The following ZFPM2 variants were observed in gnomAD, a reference collection of about 807,000 sequenced individuals.
The protein encoded by ZFPM2 is zinc finger protein ZFPM2.
A neutral mutation model predicts 98.6 loss-of-function variants in ZFPM2; 20 were observed. The ratio of observed to expected loss-of-function variants is 0.20; its 90% CI spans 0.14 to 0.29. The LOEUF is 0.29. Among genes scored for constraint, ZFPM2 ranks in the 10% least tolerant of loss-of-function variants. The probability of loss-of-function intolerance (pLI) is 1.00; values close to 1 mark genes in which losing one functional copy is unlikely to be tolerated. For synonymous variants in ZFPM2, 518 were observed against 502.7 expected, an observed-to-expected ratio of 1.03 and a Z score of -0.41; for missense variants, 1,310 against 1,388.6, an observed-to-expected ratio of 0.94 and a Z score of 0.90.
At chr8:105,545,997 C>T (rs1310562369) in intron 3 of ZFPM2, among the ~76,000 whole-genome samples, 1 of 152,136 alleles carries the variant, frequency 6.6e-6, no homozygotes, top group East Asian at 1.9e-4. Flanking sequence ...CATACCTCTG[C>T]CTGGCTTAGC....
chr8:105,328,657 A>G (rs1018537183), intron 1 of ZFPM2, among the ~76,000 whole-genome samples: 2 of 151,884 alleles, frequency 1.3e-5, no homozygotes, highest in Non-Finnish European at 2.9e-5. Flanking sequence ...AATAGATTAA[A>G]TGGCTTTTAA....
intron 1 of ZFPM2, among the ~76,000 whole-genome samples, chr8:105,399,340 G>A (rs1811288117): frequency 6.6e-6 from 1 of 152,166 alleles, no homozygotes; most frequent in South Asian, 2.1e-4. Flanking sequence ...AGATAAAGGT[G>A]GCTCAAAATA....
chr8:105,612,650 T>C (rs911609486), intron 4 of ZFPM2, among the ~76,000 whole-genome samples: 1 of 152,182 alleles, frequency 6.6e-6, no homozygotes, highest in African/African-American at 2.4e-5. Context: ...AAATATTTGG[T>C]TGGAGTATGA....
chr8:105,693,810 G>C (rs1810947783), intron 5 of ZFPM2, among the ~76,000 whole-genome samples: 1 of 151,836 alleles, frequency 6.6e-6, no homozygotes, highest in Non-Finnish European at 1.5e-5. Context: ...GGGTACATGT[G>C]ATATCTCTCT....
chr8:105,539,054 C>T (rs532373306), intron 3 of ZFPM2, among the ~76,000 whole-genome samples: 1 of 152,054 alleles, frequency 6.6e-6, no homozygotes, highest in South Asian at 2.1e-4. Flanking sequence ...CACCAGACAA[C>T]AACAAAACAA....
intron 1 of ZFPM2, among the ~76,000 whole-genome samples, chr8:105,351,375 G>GTGTC (rs1042578686): frequency 6.6e-6 from 1 of 151,236 alleles, no homozygotes; most frequent in African/African-American, 2.4e-5. Context: ...GTGTGTGTGT[G>GTGTC]TGTGTGTTTG....
intron 1 of ZFPM2, among the ~76,000 whole-genome samples, chr8:105,401,743 G>A (rs1259569092): frequency 2.0e-5 from 3 of 151,880 alleles, no homozygotes; most frequent in Admixed American, 2.0e-4. Context: ...TATGAAAAGG[G>A]GTACTTACAC....
intron 3 of ZFPM2, among the ~76,000 whole-genome samples, chr8:105,528,096 C>T (rs543343728): frequency 2.0e-5 from 3 of 152,112 alleles, no homozygotes; most frequent in African/African-American, 4.8e-5. Flanking sequence ...GCAGACTGCA[C>T]TTCTAGAAAT....
chr8:105,330,614 A>G (rs1177239556), intron 1 of ZFPM2, among the ~76,000 whole-genome samples: 22 of 33,276 alleles, frequency 6.6e-4, no homozygotes, highest in African/African-American at 3.6e-3. Context: ...ATATATACAC[A>G]TATATATATA....
chr8:105,550,576 G>A (rs1302969522), intron 3 of ZFPM2, among the ~76,000 whole-genome samples: 1 of 152,116 alleles, frequency 6.6e-6, no homozygotes, highest in African/African-American at 2.4e-5. Context: ...TATCTAGAAA[G>A]TTGCATGTAG....
Position 105,706,074 on chromosome 8 carries a change from C to G in ZFPM2, c.532+71717C>G, listed in dbSNP as rs193129164. Among the ~76,000 whole-genome samples, 445 of 151,948 alleles carry G rather than the reference C, an allele frequency of 2.9e-3. 2 individuals are homozygous for G. The highest frequency in any genetic ancestry group is 0.01 in the Middle Eastern group (3 of 294). On this transcript the variant is annotated intron_variant, in intron 5 of 7. Transcript: ENST00000407775. ...GGCATGTGAGTGTATATATATTTAT[C>G]CCCATTTTATTGATGAAGGAGCTAA...
intron 3 of ZFPM2, among the ~76,000 whole-genome samples, chr8:105,462,818 A>C (rs2130308979): frequency 6.6e-6 from 1 of 152,224 alleles, no homozygotes; most frequent in Non-Finnish European, 1.5e-5. Context: ...TGAATGGCCA[A>C]AGAAATAGCG....
intron 5 of ZFPM2, 41 bp downstream of exon 5, chr8:105,634,398 A>G (rs1816809277): frequency 6.0e-6 from 9 of 1,492,398 alleles, no homozygotes; most frequent in Non-Finnish European, 8.3e-6. Flanking sequence ...GGAAGTATTA[A>G]AACCTGAGCA....
chr8:105,384,371 C>T (rs1810944244), intron 1 of ZFPM2, among the ~76,000 whole-genome samples: 1 of 152,118 alleles, frequency 6.6e-6, no homozygotes, highest in African/African-American at 2.4e-5. Flanking sequence ...GCATAAATGA[C>T]AATCTCTAAA....
chr8:105,333,229 A>G (rs1812265428), intron 1 of ZFPM2, among the ~76,000 whole-genome samples: 2 of 151,738 alleles, frequency 1.3e-5, no homozygotes, highest in African/African-American at 2.4e-5. Flanking sequence ...GCTACCCTCT[A>G]ACTTTTAGAT....
intron 1 of ZFPM2, among the ~76,000 whole-genome samples, chr8:105,379,429 A>G (rs1810797339): frequency 6.6e-6 from 1 of 152,160 alleles, no homozygotes; most frequent in Admixed American, 6.6e-5. Context: ...TCATCAGTGA[A>G]CCAGCAAACC....
intron 5 of ZFPM2, among the ~76,000 whole-genome samples, chr8:105,685,980 A>G (rs1490107237): frequency 6.6e-6 from 1 of 152,148 alleles, no homozygotes; most frequent in Non-Finnish European, 1.5e-5. Context: ...TCTAAGTATT[A>G]ATGTAAAAAT....
chr8:105,479,181 T>C (rs1318278827), intron 3 of ZFPM2, among the ~76,000 whole-genome samples: 8 of 152,204 alleles, frequency 5.3e-5, no homozygotes, highest in Non-Finnish European at 1.0e-4. Context: ...AATGCTACGA[T>C]ATTCTGATTG....
intron 4 of ZFPM2, among the ~76,000 whole-genome samples, chr8:105,593,291 T>G (rs1815890761): frequency 6.6e-6 from 1 of 152,086 alleles, no homozygotes; most frequent in African/African-American, 2.4e-5. Flanking sequence ...AATTCTGTCT[T>G]CATGTTTTAA....
Sources: gnomAD v4.1 joint callset for allele counts (sites outside exome capture counted in the v4.1 genomes callset) on GRCh38, gnomAD v4.1.1 for gene constraint, MANE v1.5 for transcripts, NCBI Gene and HGNC (gene_info 2026-07-23, HGNC 2026-07-21) for gene names.